RIN3: variants seen among roughly 807,000 people sequenced by gnomAD.
RIN3 encodes the protein Ras and Rab interactor 3.
A neutral mutation model predicts 76.3 loss-of-function variants in RIN3; 54 were observed. That is an observed-to-expected ratio of 0.71 (90% confidence interval 0.57 to 0.89). RIN3 has a LOEUF of 0.89. RIN3 is among the 40% of genes least tolerant of loss of function. RIN3 has a pLI of 0.00. For missense variants in RIN3, 1,256 were observed against 1,322.1 expected (o/e 0.95, Z 0.78); for synonymous variants, 576 against 564.0 (o/e 1.02, Z -0.30).
chr14:92,550,096 T>C (rs57851052), intron 1 of RIN3, among the ~76,000 whole-genome samples: 42,558 of 152,088 alleles, frequency 0.28, 6,571 homozygotes, highest in Middle Eastern at 0.4. Flanking sequence ...AGTTGATAAG[T>C]GTCATCACAG....
chr14:92,624,158 A>G (rs1433367171), intron 4 of RIN3, among the ~76,000 whole-genome samples: 1 of 152,244 alleles, frequency 6.6e-6, no homozygotes, highest in Admixed American at 6.5e-5. Flanking sequence ...TCCTGTTTCA[A>G]TTGTCAGTGT....
In RIN3 at chr14:92,688,411, C is replaced by T. The variant is rs1888963290; in HGVS notation, c.*159C>T. ...GGACAGTTGTGAAAATAACATGACG[C>T]TCGTCCAAGGCCACTTCCTGAGGGC... On this transcript the variant is annotated 3_prime_UTR_variant, in exon 10 of 10. Coordinates refer to ENST00000216487, the MANE Select transcript of RIN3 (RefSeq NM_024832.5). The T allele has an allele frequency of 1.4e-6, 1 of 695,364 alleles. No homozygotes were observed. Among genetic ancestry groups the T allele is most frequent in the East Asian group, 2.8e-5 (1 of 35,474 alleles). The allele number at this position is 695,364 out of a possible 1,614,324, so 43.1% of individuals were successfully genotyped here. A position where few individuals can be genotyped will look rare whatever the true frequency, so the allele number is the denominator to read the frequency against.
At position 92,685,252 on chromosome 14, in the gene RIN3, C is replaced by T. The variant is rs577612347; in HGVS notation, c.2631+102C>T. 24 of 1,283,368 alleles carry T rather than the reference C, an allele frequency of 1.9e-5. No homozygotes were observed. The Admixed American group carries it at 1.9e-4, about 10-fold the overall frequency. 79.5% of individuals were successfully genotyped at this position (1,283,368 alleles called of 1,614,324 possible). The stretch of plus-strand genomic sequence containing the variant: ...CGTGACATCACCTGGCTGCTCCAGC[C>T]GCCCAGCCCTGCCTTAGGGGAGCAG... On this transcript the variant is annotated intron_variant, in intron 9 of 9. Transcript: ENST00000216487. The surrounding 1 kb of genome is among the most constrained non-coding windows in gnomAD (Gnocchi z 4.7).
intron 2 of RIN3, among the ~76,000 whole-genome samples, chr14:92,575,112 TTAA>T (rs1421982797): frequency 6.6e-6 from 1 of 152,190 alleles, no homozygotes; most frequent in Non-Finnish European, 1.5e-5. Flanking sequence ...AGGCCATTAA[TTAA>T]TAATATTAAT....
At chr14:92,630,868 C>A (rs1019172035) in intron 4 of RIN3, among the ~76,000 whole-genome samples, 1 of 152,150 alleles carries the variant, frequency 6.6e-6, no homozygotes, top group Admixed American at 6.5e-5. Context: ...TGACCCTGGG[C>A]AAGTCACCTG....
At chr14:92,521,798 C>T (rs1344106768) in intron 1 of RIN3, among the ~76,000 whole-genome samples, 3 of 152,118 alleles carry the variant, frequency 2.0e-5, no homozygotes, top group Admixed American at 1.3e-4. Context: ...GAAATATGTG[C>T]GTATTTAAAG....
At position 92,648,806 on chromosome 14, in the gene RIN3, CG is replaced by C. The variant is rs971450243; in HGVS notation, c.533-2772del. On this transcript the variant is annotated intron_variant, in intron 5 of 9. Transcript: ENST00000216487. The surrounding 1 kb of genome is among the most constrained non-coding windows in gnomAD (Gnocchi z 4.1). ...CATATCAGAGCTGCAGGAACACAGG[CG>C]GGGTGGGCAAGGCCTGAGCACATCA... is the stretch of plus-strand genomic sequence containing the variant. Among the ~76,000 whole-genome samples, 112 of 152,264 alleles carry C rather than the reference CG, an allele frequency of 7.4e-4. No homozygotes were observed. Among genetic ancestry groups the C allele is most frequent in the African/African-American group, 2.6e-3 (110 of 41,554 alleles).
At chr14:92,637,448 G>A (rs1231033097) in intron 4 of RIN3, among the ~76,000 whole-genome samples, 1 of 152,152 alleles carries the variant, frequency 6.6e-6, no homozygotes. Context: ...TTGCTCACTC[G>A]CCCGCTGCTC....
At chr14:92,647,161 T>C (rs980381037) in intron 5 of RIN3, among the ~76,000 whole-genome samples, 2 of 152,208 alleles carry the variant, frequency 1.3e-5, no homozygotes, top group Admixed American at 6.5e-5. Context: ...ATAGGGATGA[T>C]GTTGCTGAAA....
rs1888652962 is a variant in RIN3 at position 92,681,302 on chromosome 14, A to G, written c.2468-3685A>G. On this transcript the variant is annotated intron_variant, in intron 8 of 9. Transcript: ENST00000216487. This position sits in a 1 kb window ranked among gnomAD's most constrained non-coding sequence, Gnocchi z 4.7. ...CCAAGTCAAAGAGGAAGGCTGGCAG[A>G]GAGAGAGGCCTCACGAAGAAGTCAG... is the stretch of plus-strand genomic sequence containing the variant. 6.7e-6 allele frequency among the ~76,000 whole-genome samples: 1 copy of G among 150,364 alleles called. No homozygotes were observed. Among genetic ancestry groups the G allele is most frequent in the African/African-American group, 2.5e-5 (1 of 40,682 alleles).
In RIN3 at chr14:92,656,314, A is replaced by G. The variant is rs916395048; in HGVS notation, c.2027-2847A>G. On this transcript the variant is annotated intron_variant, in intron 6 of 9. Transcript: ENST00000216487. This position sits in a 1 kb window ranked among gnomAD's most constrained non-coding sequence, Gnocchi z 5.2. Reference sequence around the variant, plus strand: ...CACGGGCCATTCACACAGGCAGTGAAAGTCAGCCTGAGGATTTAGCCCAGA... The same window carrying G: ...CACGGGCCATTCACACAGGCAGTGAGAGTCAGCCTGAGGATTTAGCCCAGA... 7.9e-5 allele frequency among the ~76,000 whole-genome samples: 12 copies of G among 152,294 alleles called. No individual in the cohort carries two copies. Among genetic ancestry groups the G allele is most frequent in the African/African-American group, 2.9e-4 (12 of 41,548 alleles).
At chr14:92,640,105 G>GA (rs1886948291) in intron 4 of RIN3, among the ~76,000 whole-genome samples, 1 of 145,712 alleles carries the variant, frequency 6.9e-6, no homozygotes, top group African/African-American at 2.6e-5. Flanking sequence ...TGTTCGTCGA[G>GA]GGCTGCCTGA....
At chr14:92,579,089 G>A (rs1164379498) in intron 3 of RIN3, among the ~76,000 whole-genome samples, 9 of 151,858 alleles carry the variant, frequency 5.9e-5, no homozygotes, top group African/African-American at 1.5e-4. Context: ...CACCACACCC[G>A]GCTAATTTTT....
At chr14:92,676,418 A>T in intron 7 of RIN3, 57 bp from the exon 8 acceptor site, 1 of 1,593,226 alleles carries the variant, frequency 6.3e-7, no homozygotes, top group Non-Finnish European at 8.6e-7. Flanking sequence ...CTGGGCAGAG[A>T]GCATCTCACA....
In RIN3 at chr14:92,687,992, A is replaced by ACCCAGG. The variant is rs1566906114; in HGVS notation, c.2706_2711dup (p.Gln903_Ala904dup). On this transcript the variant is annotated inframe_insertion, in exon 10 of 10. Coordinates refer to ENST00000216487, the MANE Select transcript of RIN3 (RefSeq NM_024832.5). ...GCGGACGCTGGCGTCGCGGGCGGAC[A>ACCCAGG]CCCAGGCCCAGGCGCTGTGCGCGCA... is the stretch of plus-strand genomic sequence containing the variant. 6.4e-7 allele frequency: 1 copy of ACCCAGG among 1,567,274 alleles called. No homozygotes were observed. The highest frequency in any genetic ancestry group is 8.6e-7 in the Non-Finnish European group (1 of 1,157,710).
intron 1 of RIN3, among the ~76,000 whole-genome samples, chr14:92,535,119 G>A (rs1344375977): frequency 6.6e-6 from 1 of 152,144 alleles, no homozygotes. Context: ...CGATCCTCAC[G>A]CTGTTGAGAA....
At chr14:92,635,033 T>A (rs1886724884) in intron 4 of RIN3, among the ~76,000 whole-genome samples, 1 of 152,140 alleles carries the variant, frequency 6.6e-6, no homozygotes, top group Non-Finnish European at 1.5e-5. Context: ...AGTGTCTAGT[T>A]CCCTTTGGTT....
At chr14:92,599,778 G>A (rs568237379) in intron 3 of RIN3, among the ~76,000 whole-genome samples, 1 of 152,294 alleles carries the variant, frequency 6.6e-6, no homozygotes, top group Admixed American at 6.5e-5. Flanking sequence ...GGACTGAAGA[G>A]ACCTGTTTCC....
At chr14:92,601,794 T>C (rs1049968253) in intron 3 of RIN3, among the ~76,000 whole-genome samples, 7 of 152,288 alleles carry the variant, frequency 4.6e-5, no homozygotes, top group Admixed American at 3.9e-4. Flanking sequence ...CCCAGCCTGG[T>C]TTCTCTTTAG....
Sources: gnomAD v4.1 joint callset for allele counts (sites outside exome capture counted in the v4.1 genomes callset) on GRCh38, gnomAD v4.1.1 for gene constraint, Gnocchi (gnomAD v3.1) non-coding constraint, MANE v1.5 for transcripts, NCBI Gene and HGNC (gene_info 2026-07-23, HGNC 2026-07-21) for gene names.